TMX2: variants seen among roughly 807,000 people sequenced by gnomAD.
TMX2 encodes thioredoxin related transmembrane protein 2, also known as thioredoxin-related transmembrane protein 2.
Under a neutral mutation model 33.4 loss-of-function variants are expected in TMX2, and 20 were observed. The ratio of observed to expected loss-of-function variants is 0.60; its 90% CI spans 0.42 to 0.87. TMX2 has a LOEUF of 0.87. Ranked by LOEUF, TMX2 falls within the 40% of genes least tolerant of loss-of-function variation. The pLI, the probability that TMX2 is intolerant of heterozygous loss-of-function variation, is 0.00. For synonymous variants in TMX2, 166 were observed against 140.7 expected, an observed-to-expected ratio of 1.18 and a Z score of -1.27; for missense variants, 340 against 370.7, an observed-to-expected ratio of 0.92 and a Z score of 0.68.
intron 1 of TMX2, among the ~76,000 whole-genome samples, chr11:57,733,419 T>C (rs905402363): frequency 6.6e-6 from 1 of 151,982 alleles, no homozygotes; most frequent in Admixed American, 6.6e-5. Flanking sequence ...CACGCCTGGC[T>C]GACTTTTTGT....
intron 1 of TMX2, among the ~76,000 whole-genome samples, chr11:57,719,417 C>A (rs1268918119): frequency 6.6e-6 from 1 of 151,030 alleles, no homozygotes; most frequent in Non-Finnish European, 1.5e-5. Context: ...CACTGAAACC[C>A]CCTTTAAAAA....
In TMX2 at chr11:57,740,230, CAA is replaced by C; in HGVS notation, c.877_878del (p.Lys293GlufsTer3). ...CCACCACAGTGTCAGATGGGGAAAA[CAA>C]GAAGGATAAATAAGATCCTCACTTT... Reference protein sequence around the residue: ...TPTTVSDGENKKDK With the variant: ...TPTTVSDGENXKDK On this transcript the variant is annotated frameshift_variant, in exon 8 of 8. Transcript: ENST00000278422. LOFTEE classifies it high-confidence loss of function. 1 of 1,604,280 alleles carries C rather than the reference CAA, an allele frequency of 6.2e-7. No individual in the cohort carries two copies. The highest frequency in any genetic ancestry group is 8.5e-7 in the Non-Finnish European group (1 of 1,176,470).
At chr11:57,718,995 C>T (rs1376976902) in intron 1 of TMX2, among the ~76,000 whole-genome samples, 2 of 142,944 alleles carry the variant, frequency 1.4e-5, no homozygotes, top group Non-Finnish European at 3.0e-5. Context: ...CAGAAGTTGG[C>T]TTAACTAAAA....
At chr11:57,733,208 GT>G (rs199852037) in intron 1 of TMX2, among the ~76,000 whole-genome samples, 44 of 103,684 alleles carry the variant, frequency 4.2e-4, no homozygotes, top group Admixed American at 6.7e-4. Context: ...CTGTGGTTGT[GT>G]TTTTTTTTTT....
At chr11:57,713,861 A>C (rs1010482573) in intron 1 of TMX2, among the ~76,000 whole-genome samples, 13 of 152,242 alleles carry the variant, frequency 8.5e-5, no homozygotes, top group African/African-American at 2.7e-4. Flanking sequence ...CCTGCAGAGC[A>C]GACAATGGTT....
chr11:57,716,487 A>G (rs1947058913), intron 1 of TMX2, among the ~76,000 whole-genome samples: 3 of 105,418 alleles, frequency 2.8e-5, no homozygotes, highest in East Asian at 6.6e-4. Context: ...GGCCGGGCTG[A>G]GGGGCTCCTC....
intron 1 of TMX2, among the ~76,000 whole-genome samples, chr11:57,731,932 T>TA (rs1194738394): frequency 6.6e-6 from 1 of 152,098 alleles, no homozygotes; most frequent in Non-Finnish European, 1.5e-5. Context: ...CACAGGAAGA[T>TA]ATAACAAGAG....
chr11:57,714,115 T>A (rs1946820153), intron 1 of TMX2, among the ~76,000 whole-genome samples: 1 of 152,138 alleles, frequency 6.6e-6, no homozygotes, highest in South Asian at 2.1e-4. Context: ...GAGTCCCTGG[T>A]CTTCTTTATT....
At chr11:57,737,053 G>A (rs1948793345) in intron 1 of TMX2, among the ~76,000 whole-genome samples, 1 of 151,990 alleles carries the variant, frequency 6.6e-6, no homozygotes, top group African/African-American at 2.4e-5. Flanking sequence ...TTTTTAATCT[G>A]TTATCTCATT....
intron 1 of TMX2, among the ~76,000 whole-genome samples, chr11:57,729,610 G>T (rs746803286): frequency 6.6e-6 from 1 of 152,060 alleles, no homozygotes; most frequent in Non-Finnish European, 1.5e-5. Flanking sequence ...CACCTGAGTT[G>T]CCTTTAATAT....
chr11:57,721,100 G>C, intron 1 of TMX2, among the ~76,000 whole-genome samples: 1 of 151,002 alleles, frequency 6.6e-6, no homozygotes, highest in Non-Finnish European at 1.5e-5. Context: ...TCAGGAGTTC[G>C]AGACCAGCCT....
Position 57,740,219 on chromosome 11 carries a change from G to A in TMX2, c.865G>A (p.Asp289Asn). 2.5e-6 allele frequency: 4 copies of A among 1,608,246 alleles called. No homozygotes were observed. The highest frequency in any genetic ancestry group is 3.4e-6 in the Non-Finnish European group (4 of 1,178,176). ...GGCTTCAACCCCCACCACAGTGTCA[G>A]ATGGGGAAAACAAGAAGGATAAATA... ...PVASTPTTVS[D>N]GENKKDK is the part of the protein sequence containing the mutation. The change falls in exon 8 of 8, where the codon GAT (aspartate) becomes AAT (asparagine). Residue 289 changes from aspartate (D) to asparagine (N), a missense_variant. Asp to Asn is a conservative substitution (Grantham distance 23). Around this residue, in one of 3 missense-constraint regions of TMX2, gnomAD observed 209 missense variants for 241.6 expected, o/e 0.87. Coordinates refer to ENST00000278422, the MANE Select transcript of TMX2 (RefSeq NM_015959.4).
At chr11:57,737,417 C>A (rs1404933700) in intron 1 of TMX2, among the ~76,000 whole-genome samples, 191 bp from the exon 2 acceptor site, 1 of 152,238 alleles carries the variant, frequency 6.6e-6, no homozygotes, top group Non-Finnish European at 1.5e-5. Context: ...AAGTTTGTGG[C>A]AGGAGTAGAA....
intron 1 of TMX2, among the ~76,000 whole-genome samples, chr11:57,733,273 G>C (rs1343349813): frequency 2.7e-5 from 1 of 36,406 alleles, no homozygotes; most frequent in Admixed American, 3.1e-4. Context: ...TTTTTTTTTT[G>C]AGATGGAGTT....
intron 1 of TMX2, among the ~76,000 whole-genome samples, chr11:57,715,457 A>G (rs1470956018): frequency 2.0e-5 from 3 of 150,060 alleles, no homozygotes; most frequent in Non-Finnish European, 3.0e-5. Flanking sequence ...ATATATATGT[A>G]TTAATGTGCT....
intron 1 of TMX2, among the ~76,000 whole-genome samples, chr11:57,714,523 TG>T (rs1320547022): frequency 6.6e-6 from 1 of 152,142 alleles, no homozygotes; most frequent in Admixed American, 6.5e-5. Context: ...GCTTTTGTGG[TG>T]ATTTTTTTTT....
chr11:57,715,271 G>T (rs1946898111), intron 1 of TMX2, among the ~76,000 whole-genome samples: 1 of 152,040 alleles, frequency 6.6e-6, no homozygotes, highest in East Asian at 1.9e-4. Context: ...TGTGGTGGTG[G>T]GTGCCTGTAA....
Position 57,718,163 on chromosome 11 carries a change from G to C in TMX2, c.189+5356G>C, listed in dbSNP as rs975394654. 23 of 1,230,268 alleles carry C rather than the reference G, an allele frequency of 1.9e-5. No individual in the cohort carries two copies. In the African/African-American group the frequency reaches 3.4e-4, roughly 18 times the overall value. The allele number at this position is 1,230,268 out of a possible 1,614,324, so 76.2% of individuals were successfully genotyped here. ...TCACCTTGCCAAAGACCACATGCTT[G>C]CCATCCAACCACTCACTCTTGGCAG... On this transcript the variant is annotated intron_variant, in intron 1 of 7. Coordinates refer to ENST00000278422, the MANE Select transcript of TMX2 (RefSeq NM_015959.4).
intron 1 of TMX2, among the ~76,000 whole-genome samples, chr11:57,728,253 T>G (rs1037254821): frequency 6.6e-6 from 1 of 152,098 alleles, no homozygotes; most frequent in Non-Finnish European, 1.5e-5. Flanking sequence ...AGCTCCGCCT[T>G]CCGGGTTCAC....
Sources: gnomAD v4.1 joint callset for allele counts (sites outside exome capture counted in the v4.1 genomes callset) on GRCh38, gnomAD v4.1.1 for gene constraint, gnomAD v4.1.1 regional missense constraint, MANE v1.5 for transcripts, NCBI Gene and HGNC (gene_info 2026-07-23, HGNC 2026-07-21) for gene names.